PRR16: variants seen among roughly 807,000 people sequenced by gnomAD.
The protein encoded by PRR16 is proline rich 16.
In PRR16, 6 loss-of-function variants were observed where a neutral mutation model predicts 18.2. That is an observed-to-expected ratio of 0.33 (90% CI 0.18 to 0.65). The LOEUF (loss-of-function observed/expected upper bound fraction) is 0.65, where lower values mean the gene tolerates loss of function less well. Among genes scored for constraint, PRR16 ranks in the 30% least tolerant of loss-of-function variants. The pLI is 0.74. For missense variants in PRR16, 412 were observed against 376.6 expected, an observed-to-expected ratio of 1.09 and a Z score of -0.78; for synonymous variants, 151 against 147.8, an observed-to-expected ratio of 1.02 and a Z score of -0.16.
the PRR16 span, among the ~76,000 whole-genome samples, chr5:120,735,822 A>T: frequency 4.6e-5 from 7 of 152,120 alleles, no homozygotes; most frequent in African/African-American, 1.7e-4. Context: ...AAGCTTTTAA[A>T]TTTGATATAG....
intron 1 of PRR16, among the ~76,000 whole-genome samples, chr5:120,611,804 G>A (rs1239406910): frequency 6.6e-6 from 1 of 152,192 alleles, no homozygotes; most frequent in Non-Finnish European, 1.5e-5. Context: ...AGTCCCTACT[G>A]GGGCAATGCC....
the PRR16 span, among the ~76,000 whole-genome samples, chr5:120,780,318 T>G: frequency 6.6e-6 from 1 of 152,196 alleles, no homozygotes; most frequent in African/African-American, 2.4e-5. Context: ...ATGATTTAAT[T>G]AATATTGCTT....
At chr5:120,510,930 C>G (rs1044382659) in intron 1 of PRR16, among the ~76,000 whole-genome samples, 9 of 152,184 alleles carry the variant, frequency 5.9e-5, no homozygotes, top group African/African-American at 2.2e-4. Flanking sequence ...CCTGGGGAAA[C>G]TAATATGATG....
intron 1 of PRR16, among the ~76,000 whole-genome samples, chr5:120,530,110 C>T (rs567046687): frequency 2.7e-5 from 4 of 149,198 alleles, no homozygotes; most frequent in Non-Finnish European, 5.9e-5. Flanking sequence ...ACACATATTT[C>T]TCATGTAAAA....
At chr5:120,557,906 G>T (rs1458099825) in intron 1 of PRR16, among the ~76,000 whole-genome samples, 1 of 151,830 alleles carries the variant, frequency 6.6e-6, no homozygotes, top group Non-Finnish European at 1.5e-5. Context: ...AATTTGGAGA[G>T]GGGGAGGACG....
At chr5:120,515,337 G>T (rs769918761) in intron 1 of PRR16, among the ~76,000 whole-genome samples, 22 of 152,184 alleles carry the variant, frequency 1.4e-4, no homozygotes, top group Non-Finnish European at 1.3e-4. Context: ...TTGCACAGAG[G>T]ATTAAGTTTC....
intron 1 of PRR16, among the ~76,000 whole-genome samples, chr5:120,508,964 G>T (rs1040810430): frequency 6.6e-6 from 1 of 151,940 alleles, no homozygotes; most frequent in East Asian, 1.9e-4. Context: ...GTTGGGTGAG[G>T]GGGGGGATAG....
the PRR16 span, among the ~76,000 whole-genome samples, chr5:120,770,552 A>G: frequency 6.6e-6 from 1 of 152,050 alleles, no homozygotes; most frequent in Non-Finnish European, 1.5e-5. Flanking sequence ...GGAGGCAACA[A>G]AGACATAAAT....
chr5:120,487,193 G>T (rs1210257512), intron 1 of PRR16, among the ~76,000 whole-genome samples: 2 of 152,188 alleles, frequency 1.3e-5, no homozygotes, highest in African/African-American at 2.4e-5. Context: ...GAAAGTCACT[G>T]GTAGCTTGAT....
chr5:120,712,036 CTGTA>C, the PRR16 span, among the ~76,000 whole-genome samples: 1 of 152,122 alleles, frequency 6.6e-6, no homozygotes, highest in Non-Finnish European at 1.5e-5. Flanking sequence ...AAGTTTCTGA[CTGTA>C]TGTTTTTAGT....
chr5:120,637,153 G>A (rs543199476), intron 1 of PRR16, among the ~76,000 whole-genome samples: 37 of 151,952 alleles, frequency 2.4e-4, no homozygotes, highest in African/African-American at 7.2e-4. Context: ...GCATGGATGC[G>A]ATGAAAAGGG....
chr5:120,764,353 T>C, the PRR16 span, among the ~76,000 whole-genome samples: 1 of 152,162 alleles, frequency 6.6e-6, no homozygotes, highest in Admixed American at 6.6e-5. Context: ...TGATGTAATA[T>C]GTCACATTTA....
chr5:120,666,262 C>T (rs1580853725), intron 1 of PRR16, among the ~76,000 whole-genome samples: 1 of 152,114 alleles, frequency 6.6e-6, no homozygotes, highest in East Asian at 1.9e-4. Context: ...CTCTGTTTGC[C>T]TGTTATTGGT....
chr5:120,533,553 A>T (rs953951743), intron 1 of PRR16, among the ~76,000 whole-genome samples: 3 of 152,168 alleles, frequency 2.0e-5, no homozygotes, highest in Admixed American at 6.6e-5. Flanking sequence ...TTGAACAAAG[A>T]TTTTAAGGCC....
chr5:120,601,214 C>G (rs1753971992), intron 1 of PRR16, among the ~76,000 whole-genome samples: 1 of 152,074 alleles, frequency 6.6e-6, no homozygotes. Context: ...ATTCCCTCTT[C>G]TTCACAACCA....
chr5:120,775,085 T>A, the PRR16 span, among the ~76,000 whole-genome samples: 1 of 152,156 alleles, frequency 6.6e-6, no homozygotes, highest in African/African-American at 2.4e-5. Context: ...AGATTCCCAA[T>A]TGAATCCTTT....
the PRR16 span, among the ~76,000 whole-genome samples, chr5:120,693,347 T>A: frequency 7.2e-5 from 11 of 152,306 alleles, no homozygotes; most frequent in African/African-American, 2.4e-4. Context: ...TCACCTGGAC[T>A]CCTCCATTAC....
the PRR16 span, among the ~76,000 whole-genome samples, chr5:120,706,930 C>T: frequency 6.6e-6 from 1 of 152,274 alleles, no homozygotes; most frequent in African/African-American, 2.4e-5. Flanking sequence ...AGCTCTTACC[C>T]TCTGATAGAC....
At chr5:120,515,275 G>T (rs562183613) in intron 1 of PRR16, among the ~76,000 whole-genome samples, 2 of 152,156 alleles carry the variant, frequency 1.3e-5, no homozygotes, top group East Asian at 3.9e-4. Context: ...ATTTATGAGG[G>T]CAGAAGCCTC....
Sources: allele counts gnomAD v4.1 joint callset (sites outside exome capture counted in the v4.1 genomes callset), GRCh38; gene constraint gnomAD v4.1.1; transcripts MANE v1.5; gene names NCBI Gene and HGNC (gene_info 2026-07-23, HGNC 2026-07-21).